TMOD3: variants seen among roughly 807,000 people sequenced by gnomAD.
The protein encoded by TMOD3 is tropomodulin-3.
Under a neutral mutation model 39.2 loss-of-function variants are expected in TMOD3, and 20 were observed. The ratio of observed to expected loss-of-function variants is 0.51; its 90% confidence interval spans 0.36 to 0.74. The LOEUF (loss-of-function observed/expected upper bound fraction) is 0.74, where lower values mean the gene tolerates loss of function less well. Among genes scored for constraint, TMOD3 ranks in the 30% least tolerant of loss-of-function variants. The pLI is 0.00. For missense variants in TMOD3, 381 were observed against 412.8 expected, an observed-to-expected ratio of 0.92 and a Z score of 0.67; for synonymous variants, 143 against 145.8, an observed-to-expected ratio of 0.98 and a Z score of 0.14.
intron 1 of TMOD3, among the ~76,000 whole-genome samples, chr15:51,852,325 A>G (rs1245629403): frequency 6.6e-6 from 1 of 152,160 alleles, no homozygotes; most frequent in East Asian, 1.9e-4. Flanking sequence ...AGACAGCATA[A>G]CAGTCTTAAG....
rs752017015 is a variant in TMOD3, at chr15:51,869,223, C to T, written c.133C>T (p.Leu45Phe). Residue 45 changes from leucine (L) to phenylalanine (F), a missense_variant, in exon 3 of 10, where the codon CTT becomes TTT. Transcript: ENST00000308580. ...VLDDLDPENA[L>F]LPAGFRQKNQ... is the part of the protein sequence containing the mutation. The stretch of plus-strand genomic sequence containing the variant: ...GATTCATTCTCTCTGGCAGAATGCC[C>T]TTCTGCCTGCAGGGTTCCGGCAGAA... The T allele has an allele frequency of 1.2e-6, 2 of 1,613,632 alleles. No homozygotes were observed. Among genetic ancestry groups the T allele is most frequent in the East Asian group, 4.5e-5 (2 of 44,868 alleles).
chr15:51,896,564 G>A (rs2141705306), intron 7 of TMOD3, 38 bp downstream of exon 7: 1 of 1,482,952 alleles, frequency 6.7e-7, no homozygotes, highest in Non-Finnish European at 9.4e-7. Flanking sequence ...ATTATGACAT[G>A]CCCAGGGTGT....
intron 3 of TMOD3, among the ~76,000 whole-genome samples, chr15:51,874,186 A>G (rs1197820080): frequency 1.3e-5 from 2 of 152,238 alleles, no homozygotes; most frequent in Admixed American, 6.5e-5. Context: ...TTTATTTTCT[A>G]GATTGCTAAA....
chr15:51,913,224 G>A lies in TMOD3; in HGVS notation c.*4414G>A, dbSNP rs2056719854. On this transcript the variant is annotated 3_prime_UTR_variant, in exon 10 of 10. Transcript: ENST00000308580. Reference sequence around the variant, plus strand: ...TGACCTCAGGTGATCCACTCGCCTCGGCCTCCCAAAGTGCTGGGATTACAG... The same window carrying A: ...TGACCTCAGGTGATCCACTCGCCTCAGCCTCCCAAAGTGCTGGGATTACAG... 1 of 152,056 alleles carries A rather than the reference G, an allele frequency of 6.6e-6. No homozygotes were observed. The highest frequency in any genetic ancestry group is 6.6e-5 in the Admixed American group (1 of 15,256). 9.4% of individuals were successfully genotyped at this position (152,056 alleles called of 1,614,324 possible). A position where few individuals can be genotyped will look rare whatever the true frequency, so the allele number is the denominator to read the frequency against.
chr15:51,890,767 G>A (rs972156731), intron 5 of TMOD3, among the ~76,000 whole-genome samples: 9 of 152,120 alleles, frequency 5.9e-5, no homozygotes, highest in South Asian at 2.1e-4. Context: ...TCCTTTCTAC[G>A]ATGTTTTGTA....
At chr15:51,908,002 T>G (rs2056691018) in intron 9 of TMOD3, among the ~76,000 whole-genome samples, 1 of 152,198 alleles carries the variant, frequency 6.6e-6, no homozygotes. Context: ...ACTTTGCATT[T>G]GTTGTTTTAT....
intron 1 of TMOD3, chr15:51,861,227 A>G: frequency 2.2e-6 from 1 of 445,062 alleles, no homozygotes; most frequent in Non-Finnish European, 4.4e-6. Flanking sequence ...TGAACAGTCC[A>G]ATGTGCTCTA....
At chr15:51,849,945 A>C (rs2141674934) in intron 1 of TMOD3, among the ~76,000 whole-genome samples, 2 of 152,186 alleles carry the variant, frequency 1.3e-5, no homozygotes, top group Middle Eastern at 6.8e-3. Context: ...ATAAAAAAAA[A>C]AAAAAAGATG....
intron 2 of TMOD3, among the ~76,000 whole-genome samples, chr15:51,865,559 G>T (rs2056441206): frequency 6.6e-6 from 1 of 152,112 alleles, no homozygotes; most frequent in Non-Finnish European, 1.5e-5. Context: ...GGAGGCTTGA[G>T]TAACCTCTGA....
intron 1 of TMOD3, among the ~76,000 whole-genome samples, chr15:51,838,400 C>T (rs977764200): frequency 3.3e-5 from 5 of 152,146 alleles, no homozygotes; most frequent in Non-Finnish European, 5.9e-5. Flanking sequence ...TTTAGGTCTC[C>T]GGGAACACAA....
Position 51,892,994 on chromosome 15 carries a change from G to A in TMOD3, c.497-821G>A, listed in dbSNP as rs556062412. ...TTATATTCAGTAAAATTTTATTTGGGTGCTTTAAATATGTGTCAAGGCCAA... is the reference window on the plus strand; with the variant it reads ...TTATATTCAGTAAAATTTTATTTGGATGCTTTAAATATGTGTCAAGGCCAA... On this transcript the variant is annotated intron_variant, in intron 5 of 9. Transcript: ENST00000308580. 8.5e-5 allele frequency among the ~76,000 whole-genome samples: 13 copies of A among 152,086 alleles called. No homozygotes were observed. The South Asian group carries it at 1.4e-3, about 17-fold the overall frequency.
In TMOD3 at chr15:51,910,269, TATTA is replaced by T. The variant is rs2056703286; in HGVS notation, c.*1463_*1466del. 1 of 152,228 alleles carries T rather than the reference TATTA, an allele frequency of 6.6e-6. No homozygotes were observed. Among genetic ancestry groups the T allele is most frequent in the African/African-American group, 2.4e-5 (1 of 41,438 alleles). The allele number at this position is 152,228 out of a possible 1,614,324, so 9.4% of individuals were successfully genotyped here. A position where few individuals can be genotyped will look rare whatever the true frequency, so the allele number is the denominator to read the frequency against. On this transcript the variant is annotated 3_prime_UTR_variant, in exon 10 of 10. Transcript: ENST00000308580. ...TGAGGAAGGCAAGGTGGCTAATCAT[TATTA>T]ATTTTTTTTAAACTTTTTGGGCCGG...
intron 1 of TMOD3, among the ~76,000 whole-genome samples, chr15:51,855,878 T>A (rs1283970037): frequency 6.6e-6 from 1 of 152,202 alleles, no homozygotes; most frequent in East Asian, 1.9e-4. Context: ...ATTGTCAGTA[T>A]ACAAATGTTC....
At chr15:51,874,868 T>C (rs1444414756) in intron 3 of TMOD3, among the ~76,000 whole-genome samples, 3 of 152,202 alleles carry the variant, frequency 2.0e-5, no homozygotes, top group Admixed American at 6.6e-5. Context: ...TCACCCGGTA[T>C]GGGCTCCTCC....
intron 1 of TMOD3, among the ~76,000 whole-genome samples, chr15:51,832,298 T>C (rs193030675): frequency 6.3e-4 from 93 of 147,918 alleles, no homozygotes; most frequent in African/African-American, 2.2e-3. Flanking sequence ...TTATGTATAG[T>C]CCACAGCACT....
At chr15:51,841,176 A>G (rs1485266075) in intron 1 of TMOD3, among the ~76,000 whole-genome samples, 3 of 152,220 alleles carry the variant, frequency 2.0e-5, no homozygotes, top group Non-Finnish European at 4.4e-5. Flanking sequence ...CTGGCATATA[A>G]CAGGTATACA....
At chr15:51,837,739 C>T (rs2141666758) in intron 1 of TMOD3, among the ~76,000 whole-genome samples, 1 of 152,254 alleles carries the variant, frequency 6.6e-6, no homozygotes, top group Non-Finnish European at 1.5e-5. Flanking sequence ...TCTTGAACCC[C>T]CATTATTATT....
At chr15:51,886,478 A>T (rs2056564270) in intron 3 of TMOD3, among the ~76,000 whole-genome samples, 1 of 152,234 alleles carries the variant, frequency 6.6e-6, no homozygotes, top group Admixed American at 6.5e-5. Flanking sequence ...CAGCCTGGCC[A>T]ACACGGCGAA....
intron 8 of TMOD3, 127 bp from the exon 9 acceptor site, chr15:51,901,765 T>C: frequency 1.1e-6 from 1 of 930,414 alleles, no homozygotes; most frequent in Non-Finnish European, 1.6e-6. Flanking sequence ...GAACTATGTA[T>C]ATGTTGTAGG....
Sources: allele counts gnomAD v4.1 joint callset (sites outside exome capture counted in the v4.1 genomes callset), GRCh38; gene constraint gnomAD v4.1.1; transcripts MANE v1.5; gene names NCBI Gene and HGNC (gene_info 2026-07-23, HGNC 2026-07-21).